The following PPP2R2B variants were observed in gnomAD, a reference collection of about 807,000 sequenced individuals.
PPP2R2B encodes the protein protein phosphatase 2 regulatory subunit Bbeta.
A neutral mutation model predicts 46.0 loss-of-function variants in PPP2R2B; 5 were observed. The observed-to-expected ratio is 0.11, with a 90% CI of 0.06 to 0.23. The LOEUF (loss-of-function observed/expected upper bound fraction) is 0.23, where lower values mean the gene tolerates loss of function less well. Ranked by LOEUF, PPP2R2B falls within the 10% of genes least tolerant of loss-of-function variation. The pLI, the probability that PPP2R2B is intolerant of heterozygous loss-of-function variation, is 1.00. For missense variants in PPP2R2B, 367 were observed against 575.0 expected, an observed-to-expected ratio of 0.64 and a Z score of 3.70; for synonymous variants, 215 against 206.7, an observed-to-expected ratio of 1.04 and a Z score of -0.34.
At chr5:146,804,489 C>T (rs1296665853) in intron 2 of PPP2R2B, among the ~76,000 whole-genome samples, 1 of 152,054 alleles carries the variant, frequency 6.6e-6, no homozygotes, top group Non-Finnish European at 1.5e-5. Context: ...TGATCCATTG[C>T]CTTTTAAATT....
At chr5:146,842,890 T>C (rs746008963) in intron 2 of PPP2R2B, among the ~76,000 whole-genome samples, 6 of 152,340 alleles carry the variant, frequency 3.9e-5, no homozygotes, top group Middle Eastern at 6.8e-3. Context: ...TTTTTTCTGT[T>C]CTAATACTTT....
rs77180438 is a variant in PPP2R2B, at chr5:146,719,885, A to G, written c.71-18743T>C. Among the ~76,000 whole-genome samples the G allele has an allele frequency of 3.7e-4, 57 of 152,202 alleles. 2 individuals are homozygous for G. The East Asian group carries it at 9.8e-3, about 26-fold the overall frequency. Reference sequence around the variant, plus strand: ...AGAAAAATGAAGATTGGCAACATCAAGCTGGCATTCCCATATGGCCATTCC... The same window carrying G: ...AGAAAAATGAAGATTGGCAACATCAGGCTGGCATTCCCATATGGCCATTCC... On this transcript the variant is annotated intron_variant, in intron 2 of 9. Transcript: ENST00000394411.
intron 2 of PPP2R2B, among the ~76,000 whole-genome samples, chr5:147,077,723 C>T (rs532104175): frequency 2.0e-5 from 3 of 152,232 alleles, no homozygotes; most frequent in South Asian, 2.1e-4. Flanking sequence ...TGTGACCAAC[C>T]TAATTCTTCT....
chr5:146,862,991 T>C (rs1761098025), intron 2 of PPP2R2B, among the ~76,000 whole-genome samples: 1 of 151,638 alleles, frequency 6.6e-6, no homozygotes, highest in Admixed American at 6.6e-5. Flanking sequence ...TGAGTAAGCA[T>C]GTTGCCAGCT....
intron 9 of PPP2R2B, among the ~76,000 whole-genome samples, 159 bp from the exon 10 acceptor site, chr5:146,590,385 GTTT>G (rs373740293): frequency 2.5e-5 from 3 of 117,732 alleles, no homozygotes; most frequent in African/African-American, 9.1e-5. Flanking sequence ...TTGGCTTTTT[GTTT>G]TTTTTTTGTG....
chr5:146,783,101 A>T (rs1056497335), intron 2 of PPP2R2B, among the ~76,000 whole-genome samples: 1 of 152,232 alleles, frequency 6.6e-6, no homozygotes, highest in Non-Finnish European at 1.5e-5. Flanking sequence ...ATGTCTGAGA[A>T]TAAAGGATAG....
exon 1 of PPP2R2B, chr5:147,081,284 C>A: frequency 6.5e-7 from 1 of 1,535,520 alleles, no homozygotes; most frequent in Non-Finnish European, 8.7e-7. Context: ...GAGAAGAGAC[C>A]CTAGTGAGTC....
intron 1 of PPP2R2B, among the ~76,000 whole-genome samples, chr5:146,890,065 G>A (rs544379049): frequency 6.6e-6 from 1 of 152,218 alleles, no homozygotes; most frequent in South Asian, 2.1e-4. Flanking sequence ...CTTTTGTTTT[G>A]CGTCATATGC....
chr5:146,961,343 C>T (rs1413709268), intron 1 of PPP2R2B, among the ~76,000 whole-genome samples: 3 of 152,140 alleles, frequency 2.0e-5, no homozygotes, highest in African/African-American at 4.8e-5. Context: ...ATAGCTGAGC[C>T]AGTGGCATGC....
At chr5:147,069,785 GTTTTTTTT>G (rs540998224) in intron 2 of PPP2R2B, among the ~76,000 whole-genome samples, 4 of 64,790 alleles carry the variant, frequency 6.2e-5, no homozygotes, top group Admixed American at 5.0e-4. Context: ...ATTTTATACT[GTTTTTTTT>G]TTTTTTTTTT....
At chr5:146,934,317 A>G (rs1463617632) in intron 1 of PPP2R2B, among the ~76,000 whole-genome samples, 1 of 150,992 alleles carries the variant, frequency 6.6e-6, no homozygotes, top group Admixed American at 6.6e-5. Context: ...AAGTGTTCCT[A>G]TTTCTCCACA....
chr5:146,770,427 C>T (rs1298511721), intron 2 of PPP2R2B, among the ~76,000 whole-genome samples: 1 of 150,136 alleles, frequency 6.7e-6, no homozygotes, highest in East Asian at 2.0e-4. Flanking sequence ...AAAAAGAATC[C>T]TTAATGATGT....
intron 1 of PPP2R2B, among the ~76,000 whole-genome samples, chr5:147,020,501 G>T (rs1434833933): frequency 1.3e-5 from 2 of 151,842 alleles, no homozygotes; most frequent in Admixed American, 6.6e-5. Flanking sequence ...AAGATTTGGG[G>T]GTTGCATTAA....
At chr5:147,060,055 A>T (rs1757211977), upstream of PPP2R2B, among the ~76,000 whole-genome samples, 1 of 152,212 alleles carries the variant, frequency 6.6e-6, no homozygotes, top group Admixed American at 6.5e-5. Flanking sequence ...AAATTAGCTT[A>T]TTTAATATTA....
At chr5:147,026,294 A>G (rs1324871156) in intron 1 of PPP2R2B, among the ~76,000 whole-genome samples, 1 of 152,186 alleles carries the variant, frequency 6.6e-6, no homozygotes, top group East Asian at 1.9e-4. Context: ...CAATAAAAAG[A>G]TCGAACTATT....
intron 2 of PPP2R2B, among the ~76,000 whole-genome samples, chr5:146,856,079 C>G (rs564337112): frequency 2.0e-5 from 3 of 152,192 alleles, no homozygotes; most frequent in African/African-American, 4.8e-5. Context: ...ACCCCAAGCT[C>G]TTTTTCTTTG....
At chr5:147,051,753 C>CCTT (rs1756831222) in intron 1 of PPP2R2B, among the ~76,000 whole-genome samples, 3 of 92,366 alleles carry the variant, frequency 3.2e-5, no homozygotes, top group Non-Finnish European at 6.1e-5. Flanking sequence ...GTTTTGCTTC[C>CCTT]TTTTTTTTTT....
chr5:146,945,308 G>A (rs6861346), intron 1 of PPP2R2B, among the ~76,000 whole-genome samples: 33,398 of 152,104 alleles, frequency 0.22, 3,909 homozygotes, highest in East Asian at 0.39. Context: ...GAGAGGCAAT[G>A]TAGGAAAATT....
In PPP2R2B at chr5:146,589,794, G is replaced by A; in HGVS notation, c.*153C>T. The A allele has an allele frequency of 1.2e-6, 1 of 814,678 alleles. No homozygotes were observed. Among genetic ancestry groups the A allele is most frequent in the Non-Finnish European group, 1.9e-6 (1 of 522,854 alleles). 50.5% of individuals were successfully genotyped at this position (814,678 alleles called of 1,614,324 possible). A position where few individuals can be genotyped will look rare whatever the true frequency, so the allele number is the denominator to read the frequency against. On this transcript the variant is annotated 3_prime_UTR_variant, in exon 10 of 10. Coordinates refer to ENST00000394411, the MANE Select transcript of PPP2R2B (RefSeq NM_181675.4). ...GACAAAAGTTTCTTAGAACTGGGGA[G>A]CTGGGAATGTTGGACTCCTTTTAAT...
Sources: gnomAD v4.1 joint callset for allele counts (sites outside exome capture counted in the v4.1 genomes callset) on GRCh38, gnomAD v4.1.1 for gene constraint, MANE v1.5 for transcripts, NCBI Gene and HGNC (gene_info 2026-07-23, HGNC 2026-07-21) for gene names.